Variants in B3GALT1 observed in about 807,000 individuals in gnomAD.
B3GALT1 encodes the protein beta-1,3-galactosyltransferase 1, also known as UDP-Gal:betaGlcNAc beta 1,3-galactosyltransferase, polypeptide 1.
A neutral mutation model predicts 23.2 loss-of-function variants in B3GALT1; 10 were observed. The ratio of observed to expected loss-of-function variants is 0.43; its 90% confidence interval spans 0.27 to 0.73. The LOEUF (loss-of-function observed/expected upper bound fraction) is 0.73, where lower values mean the gene tolerates loss of function less well. Ranked by LOEUF, B3GALT1 falls within the 30% of genes least tolerant of loss-of-function variation. The probability of loss-of-function intolerance (pLI) is 0.21; values close to 1 mark genes in which losing one functional copy is unlikely to be tolerated. For missense variants in B3GALT1, 299 were observed against 405.4 expected, an observed-to-expected ratio of 0.74 and a Z score of 2.25; for synonymous variants, 156 against 141.5, an observed-to-expected ratio of 1.10 and a Z score of -0.73.
intron 3 of B3GALT1, among the ~76,000 whole-genome samples, chr2:167,705,001 T>C (rs1051375745): frequency 2.0e-5 from 3 of 152,218 alleles, no homozygotes; most frequent in Admixed American, 2.0e-4. Context: ...ATCTTCACTC[T>C]TATTCATCAT....
intron 3 of B3GALT1, among the ~76,000 whole-genome samples, chr2:167,768,836 C>T (rs1332048721): frequency 6.6e-6 from 1 of 152,132 alleles, no homozygotes; most frequent in Non-Finnish European, 1.5e-5. Flanking sequence ...TGCTTGATAG[C>T]GATTATGTGA....
At chr2:167,477,290 C>A (rs1699500843) in intron 1 of B3GALT1, among the ~76,000 whole-genome samples, 1 of 152,096 alleles carries the variant, frequency 6.6e-6, no homozygotes, top group African/African-American at 2.4e-5. Context: ...GAAATGACAC[C>A]CTTGGGGTAA....
intron 3 of B3GALT1, among the ~76,000 whole-genome samples, chr2:167,651,428 T>C (rs891663375): frequency 6.6e-6 from 1 of 152,180 alleles, no homozygotes; most frequent in Non-Finnish European, 1.5e-5. Context: ...TTACTTTCCC[T>C]ATATATTCAT....
At chr2:167,381,932 T>G (rs543934916) in intron 1 of B3GALT1, among the ~76,000 whole-genome samples, 1 of 152,230 alleles carries the variant, frequency 6.6e-6, no homozygotes, top group South Asian at 2.1e-4. Context: ...CGAGATCCTT[T>G]TACATTTGGA....
chr2:167,818,519 C>A (rs904352664), intron 3 of B3GALT1, among the ~76,000 whole-genome samples, 153 bp from the exon 4 acceptor site: 16 of 152,212 alleles, frequency 1.1e-4, no homozygotes, highest in Non-Finnish European at 1.9e-4. Context: ...ATTCAGTCCA[C>A]CTCTATTCAA....
At chr2:167,575,038 T>C (rs1352776747) in intron 2 of B3GALT1, among the ~76,000 whole-genome samples, 2 of 151,796 alleles carry the variant, frequency 1.3e-5, no homozygotes, top group Non-Finnish European at 3.0e-5. Flanking sequence ...ACCTCTTCTC[T>C]ATTTACTGGC....
intron 3 of B3GALT1, among the ~76,000 whole-genome samples, chr2:167,818,100 C>A (rs939454174): frequency 2.0e-5 from 3 of 152,188 alleles, no homozygotes; most frequent in Admixed American, 1.3e-4. Context: ...AAAAGCTGGC[C>A]ATCCATGTGC....
chr2:167,420,526 A>G (rs1437623317), intron 1 of B3GALT1, among the ~76,000 whole-genome samples: 1 of 152,262 alleles, frequency 6.6e-6, no homozygotes, highest in Admixed American at 6.5e-5. Flanking sequence ...AGATCCATAA[A>G]TCAGAAAAAC....
intron 2 of B3GALT1, among the ~76,000 whole-genome samples, chr2:167,510,402 G>GTTTTT (rs1483182537): frequency 4.4e-5 from 6 of 135,210 alleles, no homozygotes; most frequent in African/African-American, 1.7e-4. Context: ...ATGATTGCAA[G>GTTTTT]TTTTGTTTTT....
At chr2:167,655,336 AAGG>A (rs1685939363) in intron 3 of B3GALT1, among the ~76,000 whole-genome samples, 1 of 152,180 alleles carries the variant, frequency 6.6e-6, no homozygotes, top group East Asian at 1.9e-4. Flanking sequence ...TAACTCAGTG[AAGG>A]AGGTGAGAAT....
intron 3 of B3GALT1, chr2:167,715,439 T>C: frequency 6.2e-7 from 1 of 1,608,142 alleles, no homozygotes; most frequent in Non-Finnish European, 8.5e-7. Flanking sequence ...CAAAGCATCT[T>C]TTATTGCTAT....
chr2:167,635,524 A>C (rs987211186), intron 2 of B3GALT1, among the ~76,000 whole-genome samples: 24 of 152,176 alleles, frequency 1.6e-4, no homozygotes, highest in Admixed American at 4.6e-4. Flanking sequence ...ATCAATGTGC[A>C]AAAATCACAA....
At chr2:167,813,610 G>A (rs1688934827) in intron 3 of B3GALT1, among the ~76,000 whole-genome samples, 1 of 152,078 alleles carries the variant, frequency 6.6e-6, no homozygotes, top group African/African-American at 2.4e-5. Context: ...TAGGATGTAG[G>A]GTGCAAAGCT....
chr2:167,347,361 C>T (rs1697236248), intron 1 of B3GALT1, among the ~76,000 whole-genome samples: 1 of 152,118 alleles, frequency 6.6e-6, no homozygotes, highest in Admixed American at 6.5e-5. Flanking sequence ...GATGAAACTG[C>T]ATTAATCCTC....
intron 3 of B3GALT1, among the ~76,000 whole-genome samples, chr2:167,771,076 T>C (rs557457198): frequency 6.6e-6 from 1 of 152,362 alleles, no homozygotes; most frequent in South Asian, 2.1e-4. Flanking sequence ...CGTGTCCTGC[T>C]GGCTGTATGT....
At chr2:167,641,929 A>G (rs900447205) in intron 2 of B3GALT1, among the ~76,000 whole-genome samples, 1 of 152,188 alleles carries the variant, frequency 6.6e-6, no homozygotes, top group Non-Finnish European at 1.5e-5. Flanking sequence ...CCTTCTCAAC[A>G]TATCTATCAG....
At chr2:167,593,328 C>T (rs1348399833) in intron 2 of B3GALT1, among the ~76,000 whole-genome samples, 1 of 152,132 alleles carries the variant, frequency 6.6e-6, no homozygotes, top group Non-Finnish European at 1.5e-5. Flanking sequence ...ATATTATTGA[C>T]TGAAAAATGC....
chr2:167,703,824 C>T (rs1686920225), intron 3 of B3GALT1, among the ~76,000 whole-genome samples: 3 of 152,080 alleles, frequency 2.0e-5, no homozygotes, highest in African/African-American at 7.2e-5. Flanking sequence ...CTACTGAACC[C>T]TAAAAGACTC....
chr2:167,716,477 G>A (rs1459509641), intron 3 of B3GALT1, among the ~76,000 whole-genome samples: 4 of 152,166 alleles, frequency 2.6e-5, no homozygotes, highest in Non-Finnish European at 4.4e-5. Flanking sequence ...TCTGATATAC[G>A]TACAGGCACT....
Sources: gnomAD v4.1 joint callset for allele counts (sites outside exome capture counted in the v4.1 genomes callset) on GRCh38, gnomAD v4.1.1 for gene constraint, MANE v1.5 for transcripts, NCBI Gene and HGNC (gene_info 2026-07-23, HGNC 2026-07-21) for gene names.